The following CCDC144A variants were observed in gnomAD, a reference collection of about 807,000 sequenced individuals.
CCDC144A encodes coiled-coil domain containing 144A, also known as coiled-coil domain-containing protein 144A.
A neutral mutation model predicts 143.8 loss-of-function variants in CCDC144A; 41 were observed. The observed-to-expected ratio is 0.29, with a 90% CI of 0.22 to 0.37. The LOEUF (loss-of-function observed/expected upper bound fraction) is 0.37, where lower values mean the gene tolerates loss of function less well. Ranked by LOEUF, CCDC144A falls within the 10% of genes least tolerant of loss-of-function variation. The probability of loss-of-function intolerance (pLI) is 1.00; values close to 1 mark genes in which losing one functional copy is unlikely to be tolerated. For missense variants in CCDC144A, 637 were observed against 1,488.8 expected, an observed-to-expected ratio of 0.43 and a Z score of 9.41; for synonymous variants, 242 against 517.9, an observed-to-expected ratio of 0.47 and a Z score of 7.23.
At chr17:16,754,279 T>C (rs1216550740) in intron 12 of CCDC144A, among the ~76,000 whole-genome samples, 1 of 152,246 alleles carries the variant, frequency 6.6e-6, no homozygotes, top group Non-Finnish European at 1.5e-5. Context: ...CTTTATCATT[T>C]CTTTCCTTCT....
chr17:16,769,496 A>T (rs1480653098), intron 15 of CCDC144A, among the ~76,000 whole-genome samples: 1 of 152,250 alleles, frequency 6.6e-6, no homozygotes, highest in Non-Finnish European at 1.5e-5. Flanking sequence ...TTTTTCTATA[A>T]ATAACTCACA....
upstream of CCDC144A, among the ~76,000 whole-genome samples, chr17:16,686,717 A>G (rs566154470): frequency 1.1e-4 from 16 of 150,272 alleles, no homozygotes; most frequent in East Asian, 2.8e-3. Context: ...ATCTTGGCTC[A>G]CTGCAACCTC....
upstream of CCDC144A, among the ~76,000 whole-genome samples, chr17:16,685,240 T>A (rs915623289): frequency 1.3e-5 from 2 of 152,206 alleles, no homozygotes; most frequent in African/African-American, 4.8e-5. Flanking sequence ...TTACCCAGGC[T>A]GGTCTTGAAC....
upstream of CCDC144A, among the ~76,000 whole-genome samples, chr17:16,688,635 C>T (rs188146093): frequency 6.6e-6 from 1 of 151,778 alleles, no homozygotes; most frequent in Non-Finnish European, 1.5e-5. Context: ...ACTACAGGCA[C>T]GTGCCAGCAC....
chr17:16,669,047 A>G, the CCDC144A span, among the ~76,000 whole-genome samples: 1 of 152,198 alleles, frequency 6.6e-6, no homozygotes, highest in African/African-American at 2.4e-5. Context: ...TAGTTGTTTA[A>G]CTTTATTATT....
upstream of CCDC144A, among the ~76,000 whole-genome samples, chr17:16,685,405 A>G (rs1160595443): frequency 6.6e-6 from 1 of 151,370 alleles, no homozygotes; most frequent in Non-Finnish European, 1.5e-5. Context: ...TTTTTGAGAT[A>G]GTCTTGCTCT....
the CCDC144A span, among the ~76,000 whole-genome samples, chr17:16,670,158 A>G: frequency 2.6e-5 from 4 of 151,896 alleles, no homozygotes; most frequent in South Asian, 4.2e-4. Context: ...TCCAGCCTGG[A>G]TGACAGAGTG....
intron 5 of CCDC144A, chr17:16,710,480 A>T (rs1912344559): frequency 6.6e-6 from 1 of 152,524 alleles, no homozygotes; most frequent in Non-Finnish European, 1.5e-5. Flanking sequence ...TGTTTAACTC[A>T]AACTGCTGGA....
intron 6 of CCDC144A, among the ~76,000 whole-genome samples, chr17:16,714,392 C>T (rs1238709679): frequency 6.6e-6 from 1 of 152,144 alleles, no homozygotes; most frequent in Non-Finnish European, 1.5e-5. Flanking sequence ...ATTGGGGTAC[C>T]GATATTCTTT....
chr17:16,770,589 G>A (rs1915788639), intron 15 of CCDC144A, among the ~76,000 whole-genome samples: 1 of 151,740 alleles, frequency 6.6e-6, no homozygotes, highest in South Asian at 2.1e-4. Flanking sequence ...GCAAGCTGCA[G>A]TCTCTCCGAG....
chr17:16,688,492 T>TTG (rs1910867379), upstream of CCDC144A, among the ~76,000 whole-genome samples: 1 of 124,760 alleles, frequency 8.0e-6, no homozygotes, highest in African/African-American at 3.7e-5. Flanking sequence ...CTGTTTTTTT[T>TTG]TTTTTTTTTT....
chr17:16,753,127 T>C (rs2143327505), intron 12 of CCDC144A, among the ~76,000 whole-genome samples: 1 of 138,000 alleles, frequency 7.2e-6, no homozygotes, highest in East Asian at 2.4e-4. Context: ...TTATTCCTCT[T>C]CAGCCTTGAT....
Position 16,746,531 on chromosome 17 carries a change from T to C in CCDC144A, c.3372+10888T>C, listed in dbSNP as rs1402691832. On this transcript the variant is annotated intron_variant, in intron 12 of 16. Transcript: ENST00000399273. Reference sequence around the variant, plus strand: ...CTCCACACAGTAGGTTTCTAAAAACTTCTTATATTCTGGATCTTTGCTGTC... The same window carrying C: ...CTCCACACAGTAGGTTTCTAAAAACCTCTTATATTCTGGATCTTTGCTGTC... 88 of 1,613,718 alleles carry C rather than the reference T, an allele frequency of 5.5e-5. No individual in the cohort carries two copies. The Admixed American group carries it at 1.1e-3, about 20-fold the overall frequency.
At chr17:16,697,541 C>A (rs1303561567) in intron 2 of CCDC144A, among the ~76,000 whole-genome samples, 2 of 152,228 alleles carry the variant, frequency 1.3e-5, no homozygotes, top group Non-Finnish European at 2.9e-5. Flanking sequence ...TGTCCTCAGA[C>A]TAGTGTCAGT....
chr17:16,760,130 GAGTC>G (rs1915294096), intron 12 of CCDC144A, among the ~76,000 whole-genome samples: 1 of 152,168 alleles, frequency 6.6e-6, no homozygotes. Flanking sequence ...CCTAGAGAGA[GAGTC>G]AGGTAGAAGC....
intron 1 of CCDC144A, among the ~76,000 whole-genome samples, chr17:16,691,583 A>T (rs1038352708): frequency 1.3e-5 from 2 of 151,504 alleles, no homozygotes; most frequent in Non-Finnish European, 2.9e-5. Flanking sequence ...AACACGGTGA[A>T]ACCCCGTCAC....
intron 12 of CCDC144A, among the ~76,000 whole-genome samples, chr17:16,757,802 T>A (rs1168531577): frequency 6.6e-6 from 1 of 152,212 alleles, no homozygotes; most frequent in African/African-American, 2.4e-5. Context: ...ACACTTAGGA[T>A]CCCTTTGACC....
chr17:16,733,891 A>G (rs1173061502), intron 11 of CCDC144A, among the ~76,000 whole-genome samples: 1 of 152,154 alleles, frequency 6.6e-6, no homozygotes, highest in Non-Finnish European at 1.5e-5. Flanking sequence ...TAATCCCAAC[A>G]CTTTGGGAGG....
chr17:16,726,425 A>G (rs1261892962), intron 8 of CCDC144A, among the ~76,000 whole-genome samples: 2 of 149,170 alleles, frequency 1.3e-5, no homozygotes, highest in African/African-American at 5.0e-5. Flanking sequence ...AAAATCTTCC[A>G]TGCCTCTGCC....
Sources: gnomAD v4.1 joint callset for allele counts (sites outside exome capture counted in the v4.1 genomes callset) on GRCh38, gnomAD v4.1.1 for gene constraint, MANE v1.5 for transcripts, NCBI Gene and HGNC (gene_info 2026-07-23, HGNC 2026-07-21) for gene names.